Variants in ARHGAP10 observed in about 807,000 individuals in gnomAD.
ARHGAP10 encodes Rho GTPase activating protein 10.
A neutral mutation model predicts 108.6 loss-of-function variants in ARHGAP10; 87 were observed. The ratio of observed to expected loss-of-function variants is 0.80; its 90% CI spans 0.67 to 0.96. ARHGAP10 has a LOEUF of 0.96. Ranked by LOEUF, ARHGAP10 falls within the 40% of genes least tolerant of loss-of-function variation. The probability of loss-of-function intolerance (pLI) is 0.00; values close to 1 mark genes in which losing one functional copy is unlikely to be tolerated. For missense variants in ARHGAP10, 939 were observed against 954.5 expected (o/e 0.98, Z 0.21); for synonymous variants, 347 against 341.1 (o/e 1.02, Z -0.19).
intron 5 of ARHGAP10, chr4:147,858,536 T>C (rs1734189033): frequency 6.6e-6 from 1 of 152,236 alleles, no homozygotes; most frequent in African/African-American, 2.4e-5. Flanking sequence ...CATGTGACTT[T>C]TTCTTTTGTG....
chr4:147,784,882 ATATAT>A (rs1348646024), intron 1 of ARHGAP10, among the ~76,000 whole-genome samples: 1 of 119,658 alleles, frequency 8.4e-6, no homozygotes, highest in African/African-American at 3.3e-5. Flanking sequence ...TATATTATAA[ATATAT>A]TATAAAATAT....
At chr4:148,071,012 C>T (rs993010817) in intron 22 of ARHGAP10, among the ~76,000 whole-genome samples, 1 of 152,192 alleles carries the variant, frequency 6.6e-6, no homozygotes, top group African/African-American at 2.4e-5. Flanking sequence ...GTGCCAGGCA[C>T]CATGCCCAGA....
At chr4:147,984,482 G>A (rs536617780) in intron 18 of ARHGAP10, among the ~76,000 whole-genome samples, 6 of 152,312 alleles carry the variant, frequency 3.9e-5, no homozygotes, top group African/African-American at 1.2e-4. Flanking sequence ...TTTGACCCAC[G>A]GTGGCCTTTG....
intron 1 of ARHGAP10, among the ~76,000 whole-genome samples, chr4:147,785,771 A>G (rs989215805): frequency 6.6e-6 from 1 of 152,166 alleles, no homozygotes; most frequent in Non-Finnish European, 1.5e-5. Context: ...CAATTATTTC[A>G]TATAAGGAAG....
intron 3 of ARHGAP10, among the ~76,000 whole-genome samples, chr4:147,833,844 C>A (rs935138466): frequency 2.0e-5 from 3 of 152,020 alleles, no homozygotes; most frequent in Admixed American, 1.3e-4. Flanking sequence ...GTTAGATATT[C>A]AAGAAAATGC....
At chr4:147,819,801 C>T (rs1390012063) in intron 1 of ARHGAP10, among the ~76,000 whole-genome samples, 6 of 152,090 alleles carry the variant, frequency 3.9e-5, no homozygotes, top group Non-Finnish European at 5.9e-5. Context: ...TTAGGTGATC[C>T]GCCCGTCTCG....
chr4:147,945,839 G>A (rs1738354983), intron 14 of ARHGAP10, among the ~76,000 whole-genome samples: 1 of 152,184 alleles, frequency 6.6e-6, no homozygotes, highest in Non-Finnish European at 1.5e-5. Flanking sequence ...AGGGTGAGGA[G>A]AGTGGAACTT....
rs139503260 is a variant in ARHGAP10, at chr4:147,896,080, G to A, written c.1035-10558G>A. 5.4e-4 allele frequency among the ~76,000 whole-genome samples: 82 copies of A among 152,316 alleles called. No individual in the cohort carries two copies. In the East Asian group the frequency reaches 0.014, roughly 26 times the overall value. ...AGATTAAACTCTACTTGGTCATGAT[G>A]TACTAGCTTTTTGTACCTGCTTCAT... On this transcript the variant is annotated intron_variant, in intron 10 of 22. Transcript: ENST00000336498.
chr4:147,939,536 T>A (rs1333236805), intron 13 of ARHGAP10, among the ~76,000 whole-genome samples: 1 of 152,200 alleles, frequency 6.6e-6, no homozygotes, highest in Non-Finnish European at 1.5e-5. Context: ...ACAAATTGGA[T>A]TGGTATTCAT....
At chr4:147,739,692 T>C (rs1237306736) in intron 1 of ARHGAP10, among the ~76,000 whole-genome samples, 1 of 152,178 alleles carries the variant, frequency 6.6e-6, no homozygotes, top group Non-Finnish European at 1.5e-5. Flanking sequence ...AGAAGCTGTT[T>C]TGAATTCTGT....
intron 13 of ARHGAP10, among the ~76,000 whole-genome samples, chr4:147,917,794 GAAAAT>G (rs1737051449): frequency 6.6e-6 from 1 of 152,116 alleles, no homozygotes; most frequent in Non-Finnish European, 1.5e-5. Flanking sequence ...TTTTGATCAT[GAAAAT>G]AAAATCTCAT....
intron 15 of ARHGAP10, among the ~76,000 whole-genome samples, chr4:147,949,805 A>T (rs1738527017): frequency 6.6e-6 from 1 of 151,264 alleles, no homozygotes; most frequent in South Asian, 2.1e-4. Flanking sequence ...TGGAAAACTA[A>T]GGGTGGAAAT....
intron 7 of ARHGAP10, among the ~76,000 whole-genome samples, chr4:147,869,173 A>G (rs1475964687): frequency 6.6e-6 from 1 of 152,100 alleles, no homozygotes; most frequent in East Asian, 1.9e-4. Context: ...CATTAAAGCA[A>G]GCAGAAGCTC....
chr4:147,866,495 G>C (rs567745558), intron 6 of ARHGAP10: 1 of 478,682 alleles, frequency 2.1e-6, no homozygotes, highest in Non-Finnish European at 3.7e-6. Context: ...CTGTCTAATG[G>C]CTGTGATATT....
intron 10 of ARHGAP10, among the ~76,000 whole-genome samples, chr4:147,884,324 A>G (rs188573210): frequency 1.8e-3 from 272 of 152,308 alleles, no homozygotes; most frequent in Non-Finnish European, 2.9e-3. Flanking sequence ...ACACATACGA[A>G]GGATAATACC....
chr4:147,998,313 A>T (rs1423496845), intron 18 of ARHGAP10, among the ~76,000 whole-genome samples: 1 of 152,196 alleles, frequency 6.6e-6, no homozygotes, highest in Non-Finnish European at 1.5e-5. Context: ...TAAAAATCTG[A>T]ATGAAGTTAG....
intron 20 of ARHGAP10, among the ~76,000 whole-genome samples, chr4:148,061,944 C>G (rs1297198711): frequency 6.6e-6 from 1 of 151,842 alleles, no homozygotes; most frequent in Non-Finnish European, 1.5e-5. Context: ...AGAGAGGCCA[C>G]AGGGGGAGTA....
At chr4:147,897,486 G>A (rs968389388) in intron 10 of ARHGAP10, among the ~76,000 whole-genome samples, 13 of 151,686 alleles carry the variant, frequency 8.6e-5, no homozygotes, top group African/African-American at 3.1e-4. Flanking sequence ...GCTTTTCTTA[G>A]TTTTTTTTGC....
chr4:147,972,975 G>C (rs546755585), intron 18 of ARHGAP10, among the ~76,000 whole-genome samples: 1 of 151,812 alleles, frequency 6.6e-6, no homozygotes, highest in Non-Finnish European at 1.5e-5. Flanking sequence ...GGCTGGTTTC[G>C]AACTCCTGAT....
Sources: gnomAD v4.1 joint callset for allele counts (sites outside exome capture counted in the v4.1 genomes callset) on GRCh38, gnomAD v4.1.1 for gene constraint, MANE v1.5 for transcripts, NCBI Gene and HGNC (gene_info 2026-07-23, HGNC 2026-07-21) for gene names.